The following ADAMTSL1 variants were observed in gnomAD, a reference collection of about 807,000 sequenced individuals.
ADAMTSL1 encodes ADAMTS like 1, also known as ADAMTS-like protein 1.
In ADAMTSL1, 126 loss-of-function variants were observed where a neutral mutation model predicts 201.8. That is an observed-to-expected ratio of 0.62 (90% CI 0.54 to 0.72). The LOEUF is 0.72. Among genes scored for constraint, ADAMTSL1 ranks in the 30% least tolerant of loss-of-function variants. The pLI, the probability that ADAMTSL1 is intolerant of heterozygous loss-of-function variation, is 0.00. For synonymous variants in ADAMTSL1, 1,121 were observed against 903.4 expected (o/e 1.24, Z -4.32); for missense variants, 2,679 against 2,277.8 (o/e 1.18, Z -3.59).
In ADAMTSL1 at chr9:18,649,937, T is replaced by G. The variant is rs1016423242; in HGVS notation, c.835-7702T>G. ...TCTTCAAAGCTGTCAGACAGGGACA[T>G]TTAAGTCTGCAGACGTTACTGCTGT... On this transcript the variant is annotated intron_variant, in intron 7 of 28. Coordinates refer to ENST00000380548, the MANE Select transcript of ADAMTSL1 (RefSeq NM_001040272.6). Among the ~76,000 whole-genome samples, 6 of 152,152 alleles carry G rather than the reference T, an allele frequency of 3.9e-5. No homozygotes were observed. In the East Asian group the frequency reaches 1.2e-3, roughly 29 times the overall value.
At chr9:18,265,592 C>T (rs34263679) in intron 2 of ADAMTSL1, among the ~76,000 whole-genome samples, 6,925 of 152,200 alleles carry the variant, frequency 0.045, 245 homozygotes, top group Non-Finnish European at 0.074. Context: ...AAGGTATATA[C>T]CCTGAGCACA....
intron 2 of ADAMTSL1, among the ~76,000 whole-genome samples, chr9:18,296,633 G>C (rs1026879721): frequency 6.6e-6 from 1 of 152,124 alleles, no homozygotes; most frequent in Admixed American, 6.5e-5. Context: ...AAGAAAAAAT[G>C]AGTTACATAC....
intron 15 of ADAMTSL1, among the ~76,000 whole-genome samples, chr9:18,744,759 C>T (rs1340760085): frequency 3.3e-5 from 5 of 152,124 alleles, no homozygotes; most frequent in South Asian, 2.1e-4. Flanking sequence ...GCAAACAATC[C>T]GATCTTAGAG....
chr9:18,397,113 G>A (rs948581829), intron 2 of ADAMTSL1, among the ~76,000 whole-genome samples: 1 of 151,998 alleles, frequency 6.6e-6, no homozygotes, highest in Non-Finnish European at 1.5e-5. Context: ...ACTAAGTTTA[G>A]GTTTGTTTAG....
intron 5 of ADAMTSL1, among the ~76,000 whole-genome samples, chr9:18,629,284 T>A (rs899644606): frequency 6.6e-6 from 1 of 152,164 alleles, no homozygotes; most frequent in Non-Finnish European, 1.5e-5. Context: ...AATACAATAG[T>A]GAATAGGAAT....
chr9:18,206,331 G>C (rs892541182), intron 2 of ADAMTSL1, among the ~76,000 whole-genome samples: 1 of 152,074 alleles, frequency 6.6e-6, no homozygotes, highest in Non-Finnish European at 1.5e-5. Flanking sequence ...TGTGATTGAC[G>C]TGGAGCCCAG....
At chr9:18,218,939 A>T (rs1402101622) in intron 2 of ADAMTSL1, among the ~76,000 whole-genome samples, 1 of 152,098 alleles carries the variant, frequency 6.6e-6, no homozygotes, top group African/African-American at 2.4e-5. Context: ...ATGATTTAAT[A>T]TAAGGTTCTA....
At chr9:18,731,613 G>GA (rs1018274251) in intron 15 of ADAMTSL1, among the ~76,000 whole-genome samples, 1 of 151,196 alleles carries the variant, frequency 6.6e-6, no homozygotes, top group South Asian at 2.1e-4. Flanking sequence ...CACTCAAAAA[G>GA]AAAAAAAAGG....
intron 25 of ADAMTSL1, 42 bp from the exon 26 acceptor site, chr9:18,892,347 C>A: frequency 6.3e-7 from 1 of 1,578,814 alleles, no homozygotes; most frequent in Non-Finnish European, 8.6e-7. Flanking sequence ...TCCCCAGGGC[C>A]TGTCCCTTTA....
intron 2 of ADAMTSL1, among the ~76,000 whole-genome samples, chr9:18,286,665 C>T (rs1190595834): frequency 1.8e-5 from 1 of 56,174 alleles, no homozygotes; most frequent in East Asian, 9.7e-4. Context: ...ATGTTAAATT[C>T]CCTAGAGTTA....
intron 1 of ADAMTSL1, among the ~76,000 whole-genome samples, chr9:18,108,546 G>T (rs1824864131): frequency 1.3e-5 from 2 of 151,952 alleles, no homozygotes; most frequent in African/African-American, 4.8e-5. Context: ...CACAGAGAAG[G>T]TTAAAATACA....
At chr9:18,385,070 C>T (rs1837735912) in intron 2 of ADAMTSL1, among the ~76,000 whole-genome samples, 2 of 152,136 alleles carry the variant, frequency 1.3e-5, no homozygotes, top group Admixed American at 1.3e-4. Context: ...TGCTTCCTTC[C>T]CTCCCAGAGC....
chr9:18,552,600 A>T (rs552838740), intron 3 of ADAMTSL1, among the ~76,000 whole-genome samples: 7 of 151,766 alleles, frequency 4.6e-5, no homozygotes, highest in Non-Finnish European at 1.0e-4. Context: ...TTCTTTAATA[A>T]TTTTTTTAAA....
chr9:18,163,142 A>G (rs1179542305), intron 1 of ADAMTSL1, among the ~76,000 whole-genome samples: 1 of 152,018 alleles, frequency 6.6e-6, no homozygotes, highest in Non-Finnish European at 1.5e-5. Flanking sequence ...TGATAAAATG[A>G]AAAGATGAGA....
intron 4 of ADAMTSL1, among the ~76,000 whole-genome samples, chr9:18,610,093 G>T (rs976841279): frequency 6.6e-6 from 1 of 152,060 alleles, no homozygotes; most frequent in Non-Finnish European, 1.5e-5. Context: ...AAGTGAACAT[G>T]TGGATCAAAA....
chr9:18,890,600 T>C (rs1829189740), intron 25 of ADAMTSL1: 3 of 455,900 alleles, frequency 6.6e-6, no homozygotes, highest in South Asian at 3.1e-5. Flanking sequence ...CGATGAAATA[T>C]GAAACATGCT....
intron 5 of ADAMTSL1, 30 bp from the exon 6 acceptor site, chr9:18,635,913 C>G: frequency 6.3e-7 from 1 of 1,579,946 alleles, no homozygotes; most frequent in Non-Finnish European, 8.6e-7. Context: ...AAGTGACATG[C>G]TTTTAAGATT....
chr9:18,099,344 TATATATA>T (rs1487126817), intron 1 of ADAMTSL1, among the ~76,000 whole-genome samples: 1 of 48,322 alleles, frequency 2.1e-5, no homozygotes, highest in African/African-American at 7.4e-5. Flanking sequence ...TATATATATA[TATATATA>T]TATATTTTTT....
At chr9:17,993,775 T>C (rs1057472191) in intron 1 of ADAMTSL1, among the ~76,000 whole-genome samples, 2 of 152,182 alleles carry the variant, frequency 1.3e-5, no homozygotes, top group Non-Finnish European at 2.9e-5. Flanking sequence ...TTTTGTTTGT[T>C]TTCTTTGGCA....
Sources: allele counts gnomAD v4.1 joint callset (sites outside exome capture counted in the v4.1 genomes callset), GRCh38; gene constraint gnomAD v4.1.1; transcripts MANE v1.5; gene names NCBI Gene and HGNC (gene_info 2026-07-23, HGNC 2026-07-21).